Variants in PREX2 observed in about 807,000 individuals in gnomAD.
PREX2 encodes the protein phosphatidylinositol-3,4,5-trisphosphate dependent Rac exchange factor 2.
Under a neutral mutation model 203.2 loss-of-function variants are expected in PREX2, and 107 were observed. The ratio of observed to expected loss-of-function variants is 0.53; its 90% confidence interval spans 0.45 to 0.62. The LOEUF is 0.62. Ranked by LOEUF, PREX2 falls within the 20% of genes least tolerant of loss-of-function variation. PREX2 has a pLI of 0.00. For missense variants in PREX2, 1,777 were observed against 1,955.9 expected, an observed-to-expected ratio of 0.91 and a Z score of 1.72; for synonymous variants, 672 against 663.6, an observed-to-expected ratio of 1.01 and a Z score of -0.19.
At chr8:68,195,986 G>GCC (rs1384511982) in intron 37 of PREX2, among the ~76,000 whole-genome samples, 1 of 152,156 alleles carries the variant, frequency 6.6e-6, no homozygotes, top group East Asian at 1.9e-4. Context: ...AGATGGCAGA[G>GCC]CTACATACAA....
Position 67,978,848 on chromosome 8 carries a change from G to C in PREX2, c.141+26313G>C, listed in dbSNP as rs144453291. ...CTTATGATAATGCCTAGTAAACAGAGTTTATAGCTTAGAGTAGTTATTCAA... is the reference window on the plus strand; with the variant it reads ...CTTATGATAATGCCTAGTAAACAGACTTTATAGCTTAGAGTAGTTATTCAA... On this transcript the variant is annotated intron_variant, in intron 1 of 39. Coordinates refer to ENST00000288368, the MANE Select transcript of PREX2 (RefSeq NM_024870.4). 5.7e-3 allele frequency among the ~76,000 whole-genome samples: 861 copies of C among 152,210 alleles called. 21 individuals are homozygous for C. The highest frequency in any genetic ancestry group is 0.048 in the Admixed American group (728 of 15,282).
chr8:68,065,436 G>A (rs956521350), intron 11 of PREX2, among the ~76,000 whole-genome samples: 2 of 152,002 alleles, frequency 1.3e-5, no homozygotes, highest in African/African-American at 4.8e-5. Flanking sequence ...CTTGGCTTGG[G>A]GAAAAGATAC....
At chr8:68,190,410 A>T (rs1191804502) in intron 35 of PREX2, among the ~76,000 whole-genome samples, 1 of 152,210 alleles carries the variant, frequency 6.6e-6, no homozygotes, top group Non-Finnish European at 1.5e-5. Flanking sequence ...GCAGCTGTAA[A>T]AAACAATGAG....
chr8:67,961,060 C>T (rs1001713972), intron 1 of PREX2, among the ~76,000 whole-genome samples: 7 of 151,202 alleles, frequency 4.6e-5, no homozygotes, highest in African/African-American at 1.7e-4. Flanking sequence ...ATGCACATAT[C>T]AGTCATTAGC....
At chr8:68,227,993 C>T (rs1813085380) in intron 39 of PREX2, among the ~76,000 whole-genome samples, 1 of 152,096 alleles carries the variant, frequency 6.6e-6, no homozygotes, top group South Asian at 2.1e-4. Context: ...ATGCTTCATG[C>T]ACACAAAGAG....
chr8:68,142,083 A>G (rs1030942486), intron 33 of PREX2, among the ~76,000 whole-genome samples: 3 of 152,152 alleles, frequency 2.0e-5, no homozygotes, highest in Non-Finnish European at 4.4e-5. Flanking sequence ...AATAGCCCTC[A>G]CGATAGAGGC....
chr8:68,211,106 T>C (rs577916143), intron 37 of PREX2, among the ~76,000 whole-genome samples: 330 of 152,280 alleles, frequency 2.2e-3, no homozygotes, highest in Non-Finnish European at 3.7e-3. Flanking sequence ...TTTCCTGACC[T>C]TCCTTTAGTT....
At chr8:68,139,878 G>A (rs1291227763) in intron 33 of PREX2, among the ~76,000 whole-genome samples, 1 of 152,160 alleles carries the variant, frequency 6.6e-6, no homozygotes, top group African/African-American at 2.4e-5. Flanking sequence ...AACAAATTGT[G>A]TGGTTTTCTG....
chr8:68,084,891 A>T (rs1411504982), intron 18 of PREX2, among the ~76,000 whole-genome samples: 1 of 152,140 alleles, frequency 6.6e-6, no homozygotes, highest in Non-Finnish European at 1.5e-5. Flanking sequence ...ACAAATACTG[A>T]TCTACTGATC....
At chr8:68,190,479 TCAGAAA>T (rs1399068921) in intron 35 of PREX2, among the ~76,000 whole-genome samples, 1 of 152,058 alleles carries the variant, frequency 6.6e-6, no homozygotes, top group Non-Finnish European at 1.5e-5. Context: ...GTGAAATAAC[TCAGAAA>T]CAGAAAATTT....
chr8:68,007,074 A>T (rs1007007913), intron 1 of PREX2, among the ~76,000 whole-genome samples: 2 of 152,208 alleles, frequency 1.3e-5, no homozygotes, highest in Admixed American at 1.3e-4. Context: ...CTGTCGATGG[A>T]GCTGCAAGCC....
At chr8:68,161,968 A>T (rs1016756368) in intron 35 of PREX2, among the ~76,000 whole-genome samples, 5 of 152,230 alleles carry the variant, frequency 3.3e-5, no homozygotes, top group African/African-American at 1.2e-4. Context: ...CACATCTTAC[A>T]TGGCAGCAGG....
chr8:68,066,028 C>CT (rs1040342442), intron 11 of PREX2, among the ~76,000 whole-genome samples: 2 of 152,028 alleles, frequency 1.3e-5, no homozygotes, highest in African/African-American at 4.8e-5. Context: ...ATAGTTATCA[C>CT]TTTTTTGTGG....
chr8:67,982,878 C>T (rs1342754195), intron 1 of PREX2, among the ~76,000 whole-genome samples: 1 of 152,166 alleles, frequency 6.6e-6, no homozygotes, highest in Non-Finnish European at 1.5e-5. Flanking sequence ...TTTACTTGTT[C>T]AATTGTCTGA....
intron 1 of PREX2, among the ~76,000 whole-genome samples, chr8:67,971,006 A>T (rs965773891): frequency 1.3e-5 from 2 of 152,240 alleles, no homozygotes; most frequent in Admixed American, 6.5e-5. Context: ...GTCCCATTTC[A>T]TGGTGTTGCT....
At chr8:68,101,655 G>A (rs1383024816) in intron 23 of PREX2, among the ~76,000 whole-genome samples, 1 of 152,208 alleles carries the variant, frequency 6.6e-6, no homozygotes, top group African/African-American at 2.4e-5. Context: ...ATGCAAATCA[G>A]TATTCTCCTT....
intron 35 of PREX2, among the ~76,000 whole-genome samples, chr8:68,165,427 C>A (rs1030516669): frequency 6.6e-6 from 1 of 151,990 alleles, no homozygotes; most frequent in Non-Finnish European, 1.5e-5. Context: ...TTAAGTTTCT[C>A]TTTTTTTATC....
intron 21 of PREX2, chr8:68,094,875 TC>T (rs1810007137): frequency 6.6e-6 from 1 of 152,280 alleles, no homozygotes; most frequent in South Asian, 2.1e-4. Flanking sequence ...CTGTCACATG[TC>T]CCAGGCTTTC....
chr8:68,173,409 T>G (rs571675893), intron 35 of PREX2, among the ~76,000 whole-genome samples: 1 of 152,236 alleles, frequency 6.6e-6, no homozygotes, highest in South Asian at 2.1e-4. Context: ...ACAATATATA[T>G]CGTCTTAATT....
Sources: allele counts gnomAD v4.1 joint callset (sites outside exome capture counted in the v4.1 genomes callset), GRCh38; gene constraint gnomAD v4.1.1; transcripts MANE v1.5; gene names NCBI Gene and HGNC (gene_info 2026-07-23, HGNC 2026-07-21).